The following MAST2 variants were observed in gnomAD, a reference collection of about 807,000 sequenced individuals.
MAST2 encodes microtubule associated serine/threonine kinase 2.
Under a neutral mutation model 147.4 loss-of-function variants are expected in MAST2, and 70 were observed. That is an observed-to-expected ratio of 0.47 (90% CI 0.39 to 0.58). MAST2 has a LOEUF of 0.58. Ranked by LOEUF, MAST2 falls within the 20% of genes least tolerant of loss-of-function variation. The pLI is 0.00. For synonymous variants in MAST2, 869 were observed against 896.8 expected, an observed-to-expected ratio of 0.97 and a Z score of 0.55; for missense variants, 2,080 against 2,302.3, an observed-to-expected ratio of 0.90 and a Z score of 1.98.
At position 46,023,357 on chromosome 1, in the gene MAST2, G is replaced by C. The variant is rs374429978; in HGVS notation, c.1571+39G>C. 5 of 1,577,534 alleles carry C rather than the reference G, an allele frequency of 3.2e-6. No homozygotes were observed. The highest frequency in any genetic ancestry group is 4.4e-6 in the Non-Finnish European group (5 of 1,147,526). ...TCAGGGTGTGGCCAGGACTGAAGCC[G>C]GGTCAGCCTTTGATCTCTTCCATGT... On this transcript the variant is annotated intron_variant, in intron 14 of 28. Coordinates refer to ENST00000361297, the MANE Select transcript of MAST2 (RefSeq NM_015112.3). The surrounding 1 kb of genome is among the most constrained non-coding windows in gnomAD (Gnocchi z 4.9).
At chr1:45,921,229 C>T (rs544702414) in intron 4 of MAST2, among the ~76,000 whole-genome samples, 3 of 152,248 alleles carry the variant, frequency 2.0e-5, no homozygotes, top group East Asian at 3.9e-4. Flanking sequence ...CCCCTGACCT[C>T]GTGATTCACC....
In MAST2 at chr1:46,023,527, C is replaced by A. The variant is rs1646276329; in HGVS notation, c.1571+209C>A. 2 of 621,862 alleles carry A rather than the reference C, an allele frequency of 3.2e-6. No individual in the cohort carries two copies. Among genetic ancestry groups the A allele is most frequent in the South Asian group, 2.0e-5 (1 of 51,008 alleles). The allele number at this position is 621,862 out of a possible 1,614,324, so 38.5% of individuals were successfully genotyped here. ...CCAGACAAGATTCCCACGCCTCTTA[C>A]TACCACGCATCCTCCATTCCCTGAG... On this transcript the variant is annotated intron_variant, in intron 14 of 28. Coordinates refer to ENST00000361297, the MANE Select transcript of MAST2 (RefSeq NM_015112.3). The surrounding 1 kb of genome is among the most constrained non-coding windows in gnomAD (Gnocchi z 4.9).
Position 45,888,663 on chromosome 1 carries a change from C to CTTTTTTTTTTTTTT in MAST2, c.500+6291_500+6304dup, listed in dbSNP as rs71587722. The stretch of plus-strand genomic sequence containing the variant: ...AGGCGTGAGCCACCGCGCGCGGCCT[C>CTTTTTTTTTTTTTT]TTTTTTTTTTTTTTTTTTTTTTTTT... On this transcript the variant is annotated intron_variant, in intron 4 of 28. Transcript: ENST00000361297. Among the ~76,000 whole-genome samples, 48 of 48,720 alleles carry CTTTTTTTTTTTTTT rather than the reference C, an allele frequency of 9.9e-4. 6 individuals carry two copies. Among genetic ancestry groups the CTTTTTTTTTTTTTT allele is most frequent in the East Asian group, 1.2e-3 (2 of 1,708 alleles). The allele number at this position is 48,720 out of a possible 152,430, so 32.0% of individuals were successfully genotyped here.
At chr1:45,824,694 A>G in intron 2 of MAST2, 114 bp downstream of exon 2, 7 of 1,100,108 alleles carry the variant, frequency 6.4e-6, no homozygotes, top group Non-Finnish European at 8.9e-6. Flanking sequence ...AGTCTTGTAT[A>G]GAACATTTAT....
chr1:45,983,456 A>T (rs76586494), intron 5 of MAST2, among the ~76,000 whole-genome samples: 2 of 146,026 alleles, frequency 1.4e-5, no homozygotes, highest in Non-Finnish European at 3.0e-5. Context: ...TTCCCTCTCT[A>T]TTCTGTCCAT....
At chr1:45,874,717 G>A (rs1321636574) in intron 3 of MAST2, among the ~76,000 whole-genome samples, 1 of 152,164 alleles carries the variant, frequency 6.6e-6, no homozygotes, top group Non-Finnish European at 1.5e-5. Context: ...TGCCAGGAAT[G>A]TCCTTGAGAG....
At chr1:45,875,822 A>C (rs1646581843) in intron 3 of MAST2, among the ~76,000 whole-genome samples, 1 of 152,142 alleles carries the variant, frequency 6.6e-6, no homozygotes, top group African/African-American at 2.4e-5. Flanking sequence ...TTTTAGACAT[A>C]TTAAGGACAA....
chr1:46,022,383 GT>G (rs1426866908), intron 12 of MAST2, among the ~76,000 whole-genome samples: 1 of 152,202 alleles, frequency 6.6e-6, no homozygotes, highest in Non-Finnish European at 1.5e-5. Flanking sequence ...TGCAAAAATG[GT>G]CACCTCCTCT....
chr1:45,811,463 G>C (rs1486440614), intron 1 of MAST2, among the ~76,000 whole-genome samples: 8 of 140,890 alleles, frequency 5.7e-5, no homozygotes, highest in South Asian at 2.3e-4. Context: ...CTCAGCCTCT[G>C]GAGTAGCTGG....
At position 46,030,253 on chromosome 1, in the gene MAST2, GC is replaced by G; in HGVS notation, c.2553+18del. 6.2e-7 allele frequency: 1 copy of G among 1,611,030 alleles called. No individual in the cohort carries two copies. Among genetic ancestry groups the G allele is most frequent in the Non-Finnish European group, 8.5e-7 (1 of 1,177,688 alleles). On this transcript the variant is annotated intron_variant, in intron 21 of 28. Transcript: ENST00000361297. The stretch of plus-strand genomic sequence containing the variant: ...GGTTCAACAAGGTGTGACTGAGGAG[GC>G]CCAGAATGGGCAGAACAGGCTGGAG...
At chr1:46,024,288 C>A in intron 15 of MAST2, 2 of 358,930 alleles carry the variant, frequency 5.6e-6, no homozygotes, top group Non-Finnish European at 5.3e-6. Context: ...GGCAGCAGAG[C>A]TACAAAAGCC....
chr1:45,970,684 A>G (rs1277646762), intron 5 of MAST2, among the ~76,000 whole-genome samples: 1 of 151,174 alleles, frequency 6.6e-6, no homozygotes, highest in Non-Finnish European at 1.5e-5. Context: ...AAAAAAAAAA[A>G]AAAAAGAATT....
intron 4 of MAST2, among the ~76,000 whole-genome samples, chr1:45,924,148 C>T (rs942152458): frequency 6.6e-6 from 1 of 152,132 alleles, no homozygotes; most frequent in Admixed American, 6.5e-5. Context: ...GGATTACAGG[C>T]ATGAGCCACC....
intron 7 of MAST2, 52 bp downstream of exon 7, chr1:46,002,935 C>G: frequency 1.3e-6 from 2 of 1,550,800 alleles, no homozygotes; most frequent in Non-Finnish European, 1.8e-6. Flanking sequence ...GAAGTACTTC[C>G]CTTTGGGTTA....
intron 3 of MAST2, among the ~76,000 whole-genome samples, chr1:45,855,883 T>C (rs1429738345): frequency 6.6e-6 from 1 of 152,228 alleles, no homozygotes; most frequent in Non-Finnish European, 1.5e-5. Context: ...ACTGAATTTT[T>C]ATTCTGGTAG....
chr1:45,851,724 T>G (rs1645629020), intron 3 of MAST2, among the ~76,000 whole-genome samples: 1 of 152,132 alleles, frequency 6.6e-6, no homozygotes, highest in Non-Finnish European at 1.5e-5. Flanking sequence ...TCATCTGACT[T>G]CCTTTTTTCT....
chr1:45,930,531 G>A (rs1285130112), intron 4 of MAST2, among the ~76,000 whole-genome samples: 1 of 152,068 alleles, frequency 6.6e-6, no homozygotes, highest in Non-Finnish European at 1.5e-5. Context: ...GGCCCTCTGA[G>A]CAGGAGAAGA....
At chr1:45,865,157 T>C (rs912565071) in intron 3 of MAST2, 2 of 455,172 alleles carry the variant, frequency 4.4e-6, no homozygotes, top group African/African-American at 4.0e-5. Flanking sequence ...AAAGAAAACC[T>C]TTTTCACTGA....
intron 3 of MAST2, among the ~76,000 whole-genome samples, chr1:45,863,052 G>A (rs1033661475): frequency 6.6e-6 from 1 of 151,416 alleles, no homozygotes; most frequent in Non-Finnish European, 1.5e-5. Context: ...TGTTGATTTT[G>A]GTAATCTTTC....
Sources: gnomAD v4.1 joint callset for allele counts (sites outside exome capture counted in the v4.1 genomes callset) on GRCh38, gnomAD v4.1.1 for gene constraint, Gnocchi (gnomAD v3.1) non-coding constraint, MANE v1.5 for transcripts, NCBI Gene and HGNC (gene_info 2026-07-23, HGNC 2026-07-21) for gene names.